Variants in DEPTOR observed in about 807,000 individuals in gnomAD.
DEPTOR encodes DEP domain containing MTOR interacting protein.
In DEPTOR, 41 loss-of-function variants were observed where a neutral mutation model predicts 41.6. The ratio of observed to expected loss-of-function variants is 0.98; its 90% CI spans 0.77 to 1.28. The LOEUF is 1.28. Among genes scored for constraint, DEPTOR ranks in the 50% most tolerant of loss-of-function variants. The pLI is 0.00. For synonymous variants in DEPTOR, 195 were observed against 192.3 expected (o/e 1.01, Z -0.12); for missense variants, 514 against 527.9 (o/e 0.97, Z 0.26).
At chr8:120,038,112 C>CA (rs1277092150) in intron 8 of DEPTOR, among the ~76,000 whole-genome samples, 1 of 149,412 alleles carries the variant, frequency 6.7e-6, no homozygotes, top group Non-Finnish European at 1.5e-5. Flanking sequence ...TACTAAAACA[C>CA]AAAAAAATTA....
At chr8:119,940,933 G>C (rs1390300423) in intron 3 of DEPTOR, among the ~76,000 whole-genome samples, 2 of 152,112 alleles carry the variant, frequency 1.3e-5, no homozygotes, top group Non-Finnish European at 2.9e-5. Context: ...AATGGTGGTT[G>C]CTAGGAGCAG....
intron 8 of DEPTOR, among the ~76,000 whole-genome samples, chr8:120,030,275 G>A (rs1328430791): frequency 1.3e-5 from 2 of 151,814 alleles, no homozygotes; most frequent in African/African-American, 4.8e-5. Flanking sequence ...TTCCTCTTCC[G>A]TTATTTCTGA....
Position 119,873,808 on chromosome 8 carries a change from G to A in DEPTOR, c.-39G>A, listed in dbSNP as rs369303672. 21 of 1,605,492 alleles carry A rather than the reference G, an allele frequency of 1.3e-5. No individual in the cohort carries two copies. Among genetic ancestry groups the A allele is most frequent in the Non-Finnish European group, 1.7e-5 (20 of 1,176,024 alleles). On this transcript the variant is annotated 5_prime_UTR_variant, in exon 1 of 9. Coordinates refer to ENST00000286234, the MANE Select transcript of DEPTOR (RefSeq NM_022783.4). ...TGATCCGAGCACCCAAACCCTCGGC[G>A]GACAGCGGAGCCAGTGGTAGCCGCA...
At chr8:120,008,991 A>C (rs760699568) in intron 7 of DEPTOR, 38 bp from the exon 8 acceptor site, 5 of 1,597,354 alleles carry the variant, frequency 3.1e-6, no homozygotes, top group Non-Finnish European at 4.3e-6. Flanking sequence ...ATTGCCGGAG[A>C]CAGTCGGCTG....
At chr8:119,967,589 C>G (rs1563576984) in intron 4 of DEPTOR, among the ~76,000 whole-genome samples, 2 of 151,402 alleles carry the variant, frequency 1.3e-5, no homozygotes, top group Non-Finnish European at 2.9e-5. Context: ...CCCATCTCTA[C>G]TAAAAATACA....
intron 1 of DEPTOR, among the ~76,000 whole-genome samples, chr8:119,886,085 A>G (rs1347108580): frequency 6.6e-6 from 1 of 152,148 alleles, no homozygotes; most frequent in Non-Finnish European, 1.5e-5. Context: ...AATGCTTTTG[A>G]CTGCAAGAAA....
chr8:119,884,693 ATAAT>A (rs1424143340), intron 1 of DEPTOR, among the ~76,000 whole-genome samples: 1 of 151,912 alleles, frequency 6.6e-6, no homozygotes, highest in Non-Finnish European at 1.5e-5. Flanking sequence ...CCAAACACAT[ATAAT>A]GAGTGTAGTA....
chr8:119,883,996 T>C (rs889124565), intron 1 of DEPTOR, among the ~76,000 whole-genome samples: 1 of 152,222 alleles, frequency 6.6e-6, no homozygotes, highest in Non-Finnish European at 1.5e-5. Flanking sequence ...ACTTAAGGTA[T>C]AAGAAACAAA....
intron 4 of DEPTOR, among the ~76,000 whole-genome samples, chr8:119,989,137 G>A (rs1476922893): frequency 2.0e-5 from 3 of 151,554 alleles, no homozygotes; most frequent in Non-Finnish European, 2.9e-5. Flanking sequence ...AAAGTAATTA[G>A]CATTTTATGG....
chr8:119,968,354 A>G (rs1475646493), intron 4 of DEPTOR, among the ~76,000 whole-genome samples: 1 of 151,672 alleles, frequency 6.6e-6, no homozygotes, highest in Admixed American at 6.6e-5. Context: ...TGGGACAGTT[A>G]CTGCTCTGAT....
intron 8 of DEPTOR, among the ~76,000 whole-genome samples, chr8:120,048,319 A>C (rs1458211179): frequency 6.6e-6 from 1 of 152,212 alleles, no homozygotes; most frequent in Non-Finnish European, 1.5e-5. Flanking sequence ...CTGCAGCAGA[A>C]AAAAACAAAG....
At chr8:119,882,534 C>G (rs910062573) in intron 1 of DEPTOR, among the ~76,000 whole-genome samples, 4 of 151,888 alleles carry the variant, frequency 2.6e-5, no homozygotes, top group African/African-American at 2.4e-5. Flanking sequence ...ATCTGAGACT[C>G]AAGTATCTGA....
At chr8:119,892,008 T>C (rs1263588607) in intron 1 of DEPTOR, among the ~76,000 whole-genome samples, 2 of 152,116 alleles carry the variant, frequency 1.3e-5, no homozygotes, top group Non-Finnish European at 2.9e-5. Flanking sequence ...TTGTTTTGTT[T>C]TGTTTTTTGA....
chr8:119,997,055 T>G (rs1003767422), intron 4 of DEPTOR, among the ~76,000 whole-genome samples: 1 of 152,208 alleles, frequency 6.6e-6, no homozygotes, highest in African/African-American at 2.4e-5. Context: ...CCAGGTTGCA[T>G]TAGGTGAGCC....
chr8:119,898,970 C>A (rs1827554319), intron 1 of DEPTOR, among the ~76,000 whole-genome samples: 1 of 152,120 alleles, frequency 6.6e-6, no homozygotes, highest in Non-Finnish European at 1.5e-5. Context: ...TGCCAAAACC[C>A]CATATTCCTT....
chr8:119,916,991 G>A (rs554846723), intron 1 of DEPTOR, among the ~76,000 whole-genome samples: 5 of 152,232 alleles, frequency 3.3e-5, no homozygotes, highest in South Asian at 2.1e-4. Context: ...GGCTGGTCTC[G>A]TACTCTTGGG....
intron 8 of DEPTOR, 31 bp from the exon 9 acceptor site, chr8:120,049,545 T>C (rs762291017): frequency 2.5e-6 from 4 of 1,609,630 alleles, no homozygotes; most frequent in Middle Eastern, 1.6e-4. Flanking sequence ...GGCGCTATAA[T>C]AGATGCTCTT....
intron 1 of DEPTOR, among the ~76,000 whole-genome samples, chr8:119,897,696 C>G (rs929285756): frequency 1.3e-5 from 2 of 152,186 alleles, no homozygotes; most frequent in African/African-American, 4.8e-5. Flanking sequence ...TTTTTTCACA[C>G]AAGACCTTGA....
chr8:120,003,014 G>A lies in DEPTOR; in HGVS notation c.828G>A (p.Val276=). 3 of 1,600,134 alleles carry A rather than the reference G, an allele frequency of 1.9e-6. No homozygotes were observed. The highest frequency in any genetic ancestry group is 2.6e-6 in the Non-Finnish European group (3 of 1,173,820). Residue 276 remains valine, a synonymous_variant, in exon 6 of 9, where the codon GTG becomes GTA. Coordinates refer to ENST00000286234, the MANE Select transcript of DEPTOR (RefSeq NM_022783.4). ...PSKEIKIVSA[V]RRSSMSSCGS... ...AGGAGATCAAGATCGTGTCTGCAGT[G>A]AGGAGAAGCAGCATGAGCAGCTGTG...
Sources: gnomAD v4.1 joint callset for allele counts (sites outside exome capture counted in the v4.1 genomes callset) on GRCh38, gnomAD v4.1.1 for gene constraint, MANE v1.5 for transcripts, NCBI Gene and HGNC (gene_info 2026-07-23, HGNC 2026-07-21) for gene names.